The following NDUFA10 variants were observed in gnomAD, a reference collection of about 807,000 sequenced individuals.
NDUFA10 encodes NADH:ubiquinone oxidoreductase subunit A10.
A neutral mutation model predicts 47.8 loss-of-function variants in NDUFA10; 40 were observed. The ratio of observed to expected loss-of-function variants is 0.84; its 90% CI spans 0.65 to 1.09. The LOEUF (loss-of-function observed/expected upper bound fraction) is 1.09. Among genes scored for constraint, NDUFA10 ranks in the 50% least tolerant of loss-of-function variants. The probability of loss-of-function intolerance (pLI) is 0.00; values close to 1 mark genes in which losing one functional copy is unlikely to be tolerated. For synonymous variants in NDUFA10, 183 were observed against 172.2 expected (o/e 1.06, Z -0.49); for missense variants, 413 against 451.1 (o/e 0.92, Z 0.76).
intron 9 of NDUFA10, among the ~76,000 whole-genome samples, chr2:239,961,759 C>T (rs1035933761): frequency 3.3e-5 from 5 of 152,222 alleles, no homozygotes; most frequent in Non-Finnish European, 7.3e-5. Context: ...GGGGGAAGCA[C>T]TGCAGGACTG....
chr2:239,911,670 AGTGTGTGTGCGTGTGTGT>A (rs1693757489), intron 4 of NDUFA10, among the ~76,000 whole-genome samples: 1 of 146,536 alleles, frequency 6.8e-6, no homozygotes, highest in Non-Finnish European at 1.5e-5. Flanking sequence ...AACATGAGAG[AGTGTGTGTGCGTGTGTGT>A]GTGTGTGTGT....
intron 1 of NDUFA10, among the ~76,000 whole-genome samples, chr2:240,023,745 T>C (rs1489423800): frequency 6.6e-6 from 1 of 152,234 alleles, no homozygotes; most frequent in Non-Finnish European, 1.5e-5. Context: ...AAGATATTTT[T>C]CGATCTTGAT....
chr2:239,989,208 CA>C, intron 9 of NDUFA10, among the ~76,000 whole-genome samples: 1 of 152,172 alleles, frequency 6.6e-6, no homozygotes, highest in Non-Finnish European at 1.5e-5. Flanking sequence ...AAACCACTTC[CA>C]AAACAATCCA....
intron 8 of NDUFA10, among the ~76,000 whole-genome samples, chr2:239,996,366 A>G (rs527881410): frequency 1.3e-5 from 2 of 152,392 alleles, no homozygotes; most frequent in African/African-American, 2.4e-5. Flanking sequence ...GAATTAAACT[A>G]GAAATCAACA....
intron 8 of NDUFA10, among the ~76,000 whole-genome samples, chr2:240,001,691 T>C (rs1358892483): frequency 6.6e-6 from 1 of 152,256 alleles, no homozygotes; most frequent in Non-Finnish European, 1.5e-5. Context: ...TACGCATCCC[T>C]GTCCTAAAGT....
At chr2:240,017,284 T>C (rs1284647958) in intron 4 of NDUFA10, among the ~76,000 whole-genome samples, 1 of 152,096 alleles carries the variant, frequency 6.6e-6, no homozygotes, top group Non-Finnish European at 1.5e-5. Flanking sequence ...TCATCCAGCA[T>C]CATTCTCCCC....
At chr2:239,969,470 G>A (rs896924431) in intron 9 of NDUFA10, 4 of 338,430 alleles carry the variant, frequency 1.2e-5, no homozygotes, top group Non-Finnish European at 1.8e-5. Context: ...TTCATGCCAC[G>A]GCCACGCACG....
chr2:239,951,953 G>A (rs1041360699), intron 4 of NDUFA10, among the ~76,000 whole-genome samples: 1 of 152,242 alleles, frequency 6.6e-6, no homozygotes, highest in Non-Finnish European at 1.5e-5. Flanking sequence ...CGAGACCTGA[G>A]ATGGTGCATG....
downstream of NDUFA10, among the ~76,000 whole-genome samples, chr2:239,953,434 T>A (rs28728016): frequency 0.13 from 19,972 of 152,250 alleles, 1,339 homozygotes; most frequent in East Asian, 0.19. Context: ...AGGCAGCTGC[T>A]TACCGCAGCC....
Position 239,965,361 on chromosome 2 carries a change from C to T in NDUFA10, c.1000-4175G>A, listed in dbSNP as rs147098915. Among the ~76,000 whole-genome samples the T allele has an allele frequency of 2.6e-3, 403 of 152,280 alleles. 1 individual carries two copies. Among genetic ancestry groups the T allele is most frequent in the Middle Eastern group, 6.8e-3 (2 of 294 alleles). On this transcript the variant is annotated intron_variant, in intron 9 of 9. Coordinates refer to ENST00000252711, the MANE Select transcript of NDUFA10 (RefSeq NM_004544.4). ...CACCAGGAAAATGCAAAATCATCCA[C>T]TTTGTTTACATGTCTACTTCACGTC...
chr2:239,938,140 C>A (rs541158607), intron 4 of NDUFA10, among the ~76,000 whole-genome samples: 1 of 152,200 alleles, frequency 6.6e-6, no homozygotes. Context: ...CCAGCAGTCC[C>A]CACTTCTCTT....
chr2:239,989,407 C>G (rs1696153733), intron 9 of NDUFA10, among the ~76,000 whole-genome samples: 1 of 152,242 alleles, frequency 6.6e-6, no homozygotes. Flanking sequence ...TTTAATACAA[C>G]TATTTCACTT....
intron 5 of NDUFA10, chr2:240,014,506 G>A: frequency 1.7e-6 from 1 of 579,960 alleles, no homozygotes. Flanking sequence ...GGGGACCACA[G>A]TGGGACCGCA....
chr2:239,952,220 T>G (rs1268747680), intron 4 of NDUFA10, among the ~76,000 whole-genome samples: 2 of 59,202 alleles, frequency 3.4e-5, no homozygotes, highest in African/African-American at 1.3e-4. Flanking sequence ...CATGAAGGAC[T>G]GGGTGGTGAG....
At chr2:240,020,607 C>T (rs552275339) in intron 3 of NDUFA10, among the ~76,000 whole-genome samples, 3 of 152,274 alleles carry the variant, frequency 2.0e-5, no homozygotes, top group South Asian at 2.1e-4. Flanking sequence ...TCCCTGTTTC[C>T]GTCTCCCAGG....
At chr2:239,902,511 T>C (rs903613341) in intron 4 of NDUFA10, among the ~76,000 whole-genome samples, 2 of 152,264 alleles carry the variant, frequency 1.3e-5, no homozygotes, top group African/African-American at 4.8e-5. Context: ...ATAGCTTTTA[T>C]ATGCCCTGGA....
chr2:239,987,375 T>C lies in NDUFA10; in HGVS notation c.999+2699A>G, dbSNP rs1485133706. ...GTGTCTGGGCCCCATCCCCTGCGTG[T>C]CTAGTCCAGGAGGCCTGGACTGAAG... On this transcript the variant is annotated intron_variant, in intron 9 of 9. Transcript: ENST00000252711. This position sits in a 1 kb window ranked among gnomAD's most constrained non-coding sequence, Gnocchi z 4.8. 6.6e-6 allele frequency among the ~76,000 whole-genome samples: 1 copy of C among 151,918 alleles called. No individual in the cohort carries two copies. The highest frequency in any genetic ancestry group is 2.4e-5 in the African/African-American group (1 of 41,348).
chr2:239,930,158 G>A (rs1382390039), intron 4 of NDUFA10, among the ~76,000 whole-genome samples: 1 of 126,436 alleles, frequency 7.9e-6, no homozygotes, highest in Admixed American at 7.9e-5. Context: ...CTCCTCCGCT[G>A]CCCCTGCTTC....
intron 4 of NDUFA10, among the ~76,000 whole-genome samples, chr2:239,908,784 C>T (rs558823274): frequency 6.6e-6 from 1 of 152,334 alleles, no homozygotes; most frequent in Non-Finnish European, 1.5e-5. Flanking sequence ...CCCTCAGTGC[C>T]CTCCACAGCC....
Sources: allele counts gnomAD v4.1 joint callset (sites outside exome capture counted in the v4.1 genomes callset), GRCh38; gene constraint gnomAD v4.1.1; non-coding constraint Gnocchi (gnomAD v3.1); transcripts MANE v1.5; gene names NCBI Gene and HGNC (gene_info 2026-07-23, HGNC 2026-07-21).